DENND1A: variants seen among roughly 807,000 people sequenced by gnomAD.
The protein encoded by DENND1A is DENN domain-containing protein 1A.
Under a neutral mutation model 113.7 loss-of-function variants are expected in DENND1A, and 51 were observed. The observed-to-expected ratio is 0.45, with a 90% CI of 0.36 to 0.57. The LOEUF (loss-of-function observed/expected upper bound fraction) is 0.57, where lower values mean the gene tolerates loss of function less well. Ranked by LOEUF, DENND1A falls within the 20% of genes least tolerant of loss-of-function variation. The pLI is 0.00. For missense variants in DENND1A, 1,258 were observed against 1,395.9 expected, an observed-to-expected ratio of 0.90 and a Z score of 1.57; for synonymous variants, 565 against 570.8, an observed-to-expected ratio of 0.99 and a Z score of 0.14.
intron 10 of DENND1A, among the ~76,000 whole-genome samples, chr9:123,621,181 ATTC>A (rs2060942709): frequency 6.7e-6 from 1 of 149,206 alleles, no homozygotes; most frequent in Non-Finnish European, 1.5e-5. Flanking sequence ...TTCAGTTGAA[ATTC>A]TTTTTTTTTT....
chr9:123,826,979 T>C (rs1195096401), intron 2 of DENND1A, among the ~76,000 whole-genome samples: 1 of 152,164 alleles, frequency 6.6e-6, no homozygotes, highest in Non-Finnish European at 1.5e-5. Context: ...AAACCCATGA[T>C]TAATTATACA....
chr9:123,483,711 T>G (rs986310955), intron 13 of DENND1A, among the ~76,000 whole-genome samples: 1 of 152,226 alleles, frequency 6.6e-6, no homozygotes, highest in Non-Finnish European at 1.5e-5. Flanking sequence ...GCTCTGTCGC[T>G]CATTATCCAT....
chr9:123,813,693 T>C (rs1485520522), intron 2 of DENND1A, among the ~76,000 whole-genome samples: 1 of 152,164 alleles, frequency 6.6e-6, no homozygotes, highest in Non-Finnish European at 1.5e-5. Flanking sequence ...TCCAAACAGA[T>C]ACTGGATTGT....
chr9:123,912,317 A>G (rs1854149915), intron 1 of DENND1A, among the ~76,000 whole-genome samples: 1 of 152,188 alleles, frequency 6.6e-6, no homozygotes, highest in Non-Finnish European at 1.5e-5. Flanking sequence ...CTCAGGACCC[A>G]AGGAGTGAGC....
Position 123,387,819 on chromosome 9 carries a change from G to C in DENND1A, c.1671C>G (p.Ser557=), listed in dbSNP as rs774099975. The stretch of plus-strand genomic sequence containing the variant: ...GGCATTCATCATCAGAGGAGTCTTC[G>C]GAGAGGAAGACCGCATAGTGTCGCA... ...KPLRHYAVFL[S]EDSSDDECQR... Residue 557 remains serine, a synonymous_variant, in exon 22 of 24, where the codon TCC becomes TCG. Transcript: ENST00000394215. 7.8e-7 allele frequency: 1 copy of C among 1,289,912 alleles called. No individual in the cohort carries two copies. Among genetic ancestry groups the C allele is most frequent in the Non-Finnish European group, 1.0e-6 (1 of 988,932 alleles). The allele number at this position is 1,289,912 out of a possible 1,614,324, so 79.9% of individuals were successfully genotyped here. A position where few individuals can be genotyped will look rare whatever the true frequency, so the allele number is the denominator to read the frequency against.
intron 13 of DENND1A, among the ~76,000 whole-genome samples, chr9:123,503,450 C>T (rs1355177392): frequency 2.0e-5 from 3 of 152,212 alleles, no homozygotes; most frequent in African/African-American, 7.2e-5. Flanking sequence ...CCTCTTAACA[C>T]TCAGCCCATT....
At chr9:123,619,911 G>A (rs1279701887) in intron 10 of DENND1A, among the ~76,000 whole-genome samples, 1 of 151,908 alleles carries the variant, frequency 6.6e-6, no homozygotes, top group African/African-American at 2.4e-5. Context: ...CTGGAAAACA[G>A]TTCACATTGA....
chr9:123,586,330 C>T (rs1331612900), intron 11 of DENND1A, among the ~76,000 whole-genome samples: 1 of 152,154 alleles, frequency 6.6e-6, no homozygotes, highest in African/African-American at 2.4e-5. Flanking sequence ...GTGGCACAGA[C>T]CAGCCCTTGT....
intron 2 of DENND1A, among the ~76,000 whole-genome samples, chr9:123,834,412 G>A (rs1321683975): frequency 6.6e-6 from 1 of 152,192 alleles, no homozygotes; most frequent in Non-Finnish European, 1.5e-5. Flanking sequence ...TTGAGGCTTA[G>A]AGACATCAAA....
chr9:123,693,159 G>T (rs899954687), intron 5 of DENND1A, among the ~76,000 whole-genome samples: 1 of 151,988 alleles, frequency 6.6e-6, no homozygotes, highest in East Asian at 1.9e-4. Flanking sequence ...ACCACCACCC[G>T]CAATGAATCC....
intron 3 of DENND1A, among the ~76,000 whole-genome samples, chr9:123,788,742 A>T (rs1045509845): frequency 6.6e-6 from 1 of 152,130 alleles, no homozygotes; most frequent in African/African-American, 2.4e-5. Context: ...ATTAAGAGCC[A>T]CATTACCTAA....
At chr9:123,897,406 C>T (rs1850924255) in intron 1 of DENND1A, among the ~76,000 whole-genome samples, 2 of 152,062 alleles carry the variant, frequency 1.3e-5, no homozygotes, top group African/African-American at 4.8e-5. Context: ...GTACCTAAAG[C>T]ATTGAGTGAG....
chr9:123,498,801 C>T (rs2052188232), intron 13 of DENND1A, among the ~76,000 whole-genome samples: 1 of 151,978 alleles, frequency 6.6e-6, no homozygotes. Flanking sequence ...CGGCTCATTG[C>T]AATCTCCACT....
intron 8 of DENND1A, among the ~76,000 whole-genome samples, chr9:123,656,669 C>A (rs565692613): frequency 1.3e-5 from 2 of 152,296 alleles, no homozygotes; most frequent in South Asian, 4.1e-4. Context: ...TTCTAAAGCA[C>A]CATAATTTCT....
At chr9:123,782,065 G>A (rs1831402586) in intron 3 of DENND1A, among the ~76,000 whole-genome samples, 1 of 151,682 alleles carries the variant, frequency 6.6e-6, no homozygotes, top group African/African-American at 2.4e-5. Context: ...GTAAGACTCT[G>A]TCTAAAAAAA....
chr9:123,590,282 G>T (rs531468787), intron 11 of DENND1A, among the ~76,000 whole-genome samples: 1 of 152,150 alleles, frequency 6.6e-6, no homozygotes, highest in African/African-American at 2.4e-5. Context: ...AGGCTTTTGG[G>T]GGTTGGGAAT....
At chr9:123,818,163 G>C (rs1363223605) in intron 2 of DENND1A, among the ~76,000 whole-genome samples, 1 of 152,032 alleles carries the variant, frequency 6.6e-6, no homozygotes, top group East Asian at 1.9e-4. Flanking sequence ...TGCATGCAGT[G>C]GCGCGATCTC....
intron 2 of DENND1A, among the ~76,000 whole-genome samples, chr9:123,827,921 G>A (rs997298049): frequency 9.9e-5 from 15 of 152,152 alleles, no homozygotes; most frequent in African/African-American, 3.6e-4. Context: ...CTCTCTGGAG[G>A]AGGATAATAT....
At chr9:123,396,752 T>C (rs1274252305) in intron 21 of DENND1A, among the ~76,000 whole-genome samples, 1 of 152,220 alleles carries the variant, frequency 6.6e-6, no homozygotes, top group Non-Finnish European at 1.5e-5. Context: ...CTAGCTAGCA[T>C]GGCCTACAGA....
Sources: gnomAD v4.1 joint callset for allele counts (sites outside exome capture counted in the v4.1 genomes callset) on GRCh38, gnomAD v4.1.1 for gene constraint, MANE v1.5 for transcripts, NCBI Gene and HGNC (gene_info 2026-07-23, HGNC 2026-07-21) for gene names.